The following MTFMT variants were observed in gnomAD, a reference collection of about 807,000 sequenced individuals.
The protein encoded by MTFMT is methionyl-tRNA formyltransferase, mitochondrial.
MTFMT carries 47 observed loss-of-function variants against 51.8 expected under a neutral mutation model. The ratio of observed to expected loss-of-function variants is 0.91; its 90% CI spans 0.72 to 1.16. MTFMT has a LOEUF of 1.16. Ranked by LOEUF, MTFMT falls within the 50% of genes most tolerant of loss-of-function variation. MTFMT has a pLI of 0.00. For synonymous variants in MTFMT, 196 were observed against 176.7 expected (o/e 1.11, Z -0.87); for missense variants, 512 against 482.3 (o/e 1.06, Z -0.58).
chr15:65,017,841 T>C (rs2086337228), intron 5 of MTFMT, among the ~76,000 whole-genome samples: 1 of 151,846 alleles, frequency 6.6e-6, no homozygotes. Context: ...TAATAGGAAG[T>C]AGTCTCCATG....
chr15:65,022,887 T>C (rs184888659), intron 3 of MTFMT, among the ~76,000 whole-genome samples: 2 of 151,914 alleles, frequency 1.3e-5, no homozygotes, highest in African/African-American at 4.8e-5. Context: ...TTTTATTTTT[T>C]ATATGTTGCC....
At chr15:65,009,702 GA>G (rs71136311) in intron 6 of MTFMT, among the ~76,000 whole-genome samples, 152,102 of 152,102 alleles carry the variant, frequency 1, 76,051 homozygotes, top group Non-Finnish European at 1. Flanking sequence ...ATCCAGGCTG[GA>G]AGTGCAGTGG....
At chr15:65,011,491 T>A (rs1404213618) in intron 6 of MTFMT, among the ~76,000 whole-genome samples, 1 of 54,850 alleles carries the variant, frequency 1.8e-5, no homozygotes, top group African/African-American at 5.0e-5. Context: ...CTGTCTTTTT[T>A]TTTTTTTTTT....
At chr15:65,006,753 T>C (rs1363392253) in intron 6 of MTFMT, among the ~76,000 whole-genome samples, 1 of 152,220 alleles carries the variant, frequency 6.6e-6, no homozygotes, top group Admixed American at 6.5e-5. Context: ...AAAAATTTAT[T>C]ATCCTTATAA....
rs182680679 is a variant in MTFMT at position 65,004,913 on chromosome 15, G to T, written c.916C>A (p.Leu306Ile). The T allele has an allele frequency of 3.1e-6, 5 of 1,612,092 alleles. No homozygotes were observed. Among genetic ancestry groups the T allele is most frequent in the Non-Finnish European group, 3.4e-6 (4 of 1,178,562 alleles). Residue 306 changes from leucine to isoleucine, a missense_variant, in exon 8 of 9, where the codon CTT becomes ATT. Transcript: ENST00000220058. ...TGGTATATTACTGATCCTGGAATAA[G>T]AGCCTGTCCCGTTAATTTTGGATCT... is the stretch of plus-strand genomic sequence containing the variant. The part of the protein sequence containing the change: ...LADPKLTGQA[L>I]IPGSVIYHKQ...
At chr15:65,007,931 T>A (rs2086232432) in intron 6 of MTFMT, among the ~76,000 whole-genome samples, 1 of 152,184 alleles carries the variant, frequency 6.6e-6, no homozygotes, top group African/African-American at 2.4e-5. Flanking sequence ...AGTTTTTTAT[T>A]TTCATAATTA....
chr15:65,016,601 T>C (rs2086324218), intron 5 of MTFMT, 74 bp from the exon 6 acceptor site: 2 of 889,940 alleles, frequency 2.2e-6, no homozygotes, highest in Non-Finnish European at 1.8e-6. Flanking sequence ...TGATACTGAA[T>C]AAGAGATACC....
At chr15:65,010,425 C>T (rs1269436436) in intron 6 of MTFMT, among the ~76,000 whole-genome samples, 1 of 152,072 alleles carries the variant, frequency 6.6e-6, no homozygotes, top group Non-Finnish European at 1.5e-5. Flanking sequence ...TATGGATTTG[C>T]CTATTTTGGA....
chr15:65,015,301 G>C (rs920821810), intron 6 of MTFMT, among the ~76,000 whole-genome samples: 29 of 152,162 alleles, frequency 1.9e-4, no homozygotes, highest in African/African-American at 6.3e-4. Context: ...AGGATTTGAA[G>C]TAAGATAGAT....
Position 65,002,346 on chromosome 15 carries a change from T to C in MTFMT, c.*716A>G, listed in dbSNP as rs2086183209. 1 of 151,430 alleles carries C rather than the reference T, an allele frequency of 6.6e-6. No homozygotes were observed. Among genetic ancestry groups the C allele is most frequent in the Non-Finnish European group, 1.5e-5 (1 of 67,872 alleles). 9.4% of individuals were successfully genotyped at this position (151,430 alleles called of 1,614,324 possible). On this transcript the variant is annotated 3_prime_UTR_variant, in exon 9 of 9. Coordinates refer to ENST00000220058, the MANE Select transcript of MTFMT (RefSeq NM_139242.4). The stretch of plus-strand genomic sequence containing the variant: ...TGAACCCGGGAGGTGGAGCTTGCAG[T>C]GAGCTGACATCACGCCACTGCACTC...
rs1412746489 is a variant in MTFMT, at chr15:65,002,023, T to TA, written c.*1038dup. The TA allele has an allele frequency of 6.6e-6, 1 of 152,076 alleles. No individual in the cohort carries two copies. The highest frequency in any genetic ancestry group is 1.5e-5 in the Non-Finnish European group (1 of 68,010). The allele number at this position is 152,076 out of a possible 1,614,324, so 9.4% of individuals were successfully genotyped here. A position where few individuals can be genotyped will look rare whatever the true frequency, so the allele number is the denominator to read the frequency against. Reference sequence around the variant, plus strand: ...AGCTGGATTTACTACTTATAGGAAATAAAAAATGCAGATTCAATACTCCTA... The same window carrying TA: ...AGCTGGATTTACTACTTATAGGAAATAAAAAAATGCAGATTCAATACTCCTA... On this transcript the variant is annotated 3_prime_UTR_variant, in exon 9 of 9. Coordinates refer to ENST00000220058, the MANE Select transcript of MTFMT (RefSeq NM_139242.4).
intron 3 of MTFMT, among the ~76,000 whole-genome samples, chr15:65,021,956 A>C (rs977038652): frequency 1.6e-4 from 24 of 152,238 alleles, no homozygotes; most frequent in African/African-American, 5.3e-4. Flanking sequence ...CCCTAAAGCA[A>C]AGAAACGATA....
intron 6 of MTFMT, among the ~76,000 whole-genome samples, chr15:65,009,220 T>C (rs1166367744): frequency 1.3e-5 from 2 of 152,154 alleles, no homozygotes; most frequent in African/African-American, 2.4e-5. Flanking sequence ...CTTTTCTCCA[T>C]GTACAGGGAA....
intron 8 of MTFMT, among the ~76,000 whole-genome samples, chr15:65,004,074 T>TGGCACGATCTCGGCTC (rs1411831427): frequency 1.3e-5 from 2 of 151,890 alleles, no homozygotes; most frequent in Non-Finnish European, 2.9e-5. Context: ...TGGAGTGTGA[T>TGGCACGATCTCGGCTC]GGCACGATCT....
At position 65,004,857 on chromosome 15, in the gene MTFMT, G is replaced by A. The variant is rs1358576466; in HGVS notation, c.972C>T (p.Cys324=). 3 of 1,583,460 alleles carry A rather than the reference G, an allele frequency of 1.9e-6. No homozygotes were observed. In the South Asian group the frequency reaches 3.4e-5, roughly 18 times the overall value. ...TTGAAACTAATGAAAAACATACCTT[G>A]CAATAAACCAATAGTATTTGTGACT... is the stretch of plus-strand genomic sequence containing the variant. ...HKQSQILLVY[C]KDGWIGVRSV... is the part of the protein sequence containing the mutation. Residue 324 remains cysteine (C), a synonymous_variant, in exon 8 of 9, where the codon TGC becomes TGT. Coordinates refer to ENST00000220058, the MANE Select transcript of MTFMT (RefSeq NM_139242.4).
intron 6 of MTFMT, among the ~76,000 whole-genome samples, chr15:65,014,934 ATTT>A (rs57853235): frequency 7.2e-5 from 9 of 124,520 alleles, no homozygotes; most frequent in East Asian, 2.4e-4. Flanking sequence ...GCCTGGCCTG[ATTT>A]TTTTTTTTTT....
intron 3 of MTFMT, among the ~76,000 whole-genome samples, chr15:65,021,824 T>A (rs1350275329): frequency 2.0e-5 from 3 of 152,088 alleles, no homozygotes; most frequent in Non-Finnish European, 2.9e-5. Context: ...TTAAAAAAAA[T>A]AAATAAAGAT....
chr15:65,026,755 T>G (rs1449875373), intron 2 of MTFMT, 76 bp downstream of exon 2: 3 of 1,129,490 alleles, frequency 2.7e-6, no homozygotes, highest in Admixed American at 2.3e-5. Flanking sequence ...GAGTTCAAAT[T>G]ATCACATTTT....
At chr15:65,024,051 G>C (rs1333576796) in intron 2 of MTFMT, among the ~76,000 whole-genome samples, 2 of 152,202 alleles carry the variant, frequency 1.3e-5, no homozygotes, top group South Asian at 2.1e-4. Context: ...TTCTGTCTGG[G>C]TGTGGTGGCT....
Sources: allele counts gnomAD v4.1 joint callset (sites outside exome capture counted in the v4.1 genomes callset), GRCh38; gene constraint gnomAD v4.1.1; transcripts MANE v1.5; gene names NCBI Gene and HGNC (gene_info 2026-07-23, HGNC 2026-07-21).